The following AOPEP variants were observed in gnomAD, a reference collection of about 807,000 sequenced individuals.
The protein encoded by AOPEP is aminopeptidase O.
AOPEP carries 77 observed loss-of-function variants against 98.1 expected under a neutral mutation model. The observed-to-expected ratio is 0.78, with a 90% CI of 0.65 to 0.95. The LOEUF (loss-of-function observed/expected upper bound fraction) is 0.95. Ranked by LOEUF, AOPEP falls within the 40% of genes least tolerant of loss-of-function variation. The pLI is 0.00. For synonymous variants in AOPEP, 346 were observed against 365.3 expected, an observed-to-expected ratio of 0.95 and a Z score of 0.60; for missense variants, 1,024 against 1,024.7, an observed-to-expected ratio of 1.00 and a Z score of 0.01.
chr9:94,981,198 G>A (rs980398370), intron 11 of AOPEP, among the ~76,000 whole-genome samples: 39 of 152,230 alleles, frequency 2.6e-4, no homozygotes, highest in African/African-American at 9.2e-4. Flanking sequence ...TGCAGAGGAG[G>A]AGGCTTTAGC....
chr9:95,087,577 G>A (rs950178706), downstream of AOPEP, among the ~76,000 whole-genome samples: 3 of 134,692 alleles, frequency 2.2e-5, no homozygotes, highest in African/African-American at 8.1e-5. Flanking sequence ...TTTCTTTGTT[G>A]TTTTCAAGGT....
intron 5 of AOPEP, among the ~76,000 whole-genome samples, chr9:94,898,673 G>A (rs1024291756): frequency 1.7e-4 from 25 of 146,418 alleles, no homozygotes; most frequent in African/African-American, 2.8e-4. Flanking sequence ...GCCGGGTGCA[G>A]TGGCTCATGC....
chr9:95,026,061 G>A (rs753359002), intron 13 of AOPEP, among the ~76,000 whole-genome samples: 1 of 152,146 alleles, frequency 6.6e-6, no homozygotes, highest in African/African-American at 2.4e-5. Flanking sequence ...GCAAAATTCT[G>A]CATTCTCATA....
At chr9:94,785,543 T>C (rs1439004153) in intron 3 of AOPEP, among the ~76,000 whole-genome samples, 1 of 152,222 alleles carries the variant, frequency 6.6e-6, no homozygotes, top group Admixed American at 6.5e-5. Flanking sequence ...TTACAGAATC[T>C]GCCCAGAAAG....
intron 13 of AOPEP, among the ~76,000 whole-genome samples, chr9:95,013,270 T>G (rs2062708124): frequency 6.6e-6 from 1 of 152,134 alleles, no homozygotes; most frequent in Non-Finnish European, 1.5e-5. Flanking sequence ...CTATTTTTGT[T>G]TTAATGGTTA....
At chr9:94,997,716 CAG>C (rs1207283159) in intron 11 of AOPEP, among the ~76,000 whole-genome samples, 1 of 152,104 alleles carries the variant, frequency 6.6e-6, no homozygotes, top group Non-Finnish European at 1.5e-5. Flanking sequence ...TTTTTTGAGA[CAG>C]AGTCTTGCTC....
At chr9:94,848,451 CAAAAAAAAAAA>C (rs35685082) in intron 5 of AOPEP, among the ~76,000 whole-genome samples, 1 of 75,804 alleles carries the variant, frequency 1.3e-5, no homozygotes, top group African/African-American at 6.1e-5. Flanking sequence ...GACTCCGTCT[CAAAAAAAAAAA>C]AAAAAAAAAA....
chr9:95,104,110 C>T, the AOPEP span, among the ~76,000 whole-genome samples: 1 of 152,152 alleles, frequency 6.6e-6, no homozygotes, highest in Non-Finnish European at 1.5e-5. Context: ...CGGCTCTTTC[C>T]AAGGTGCTGT....
chr9:94,736,970 T>C (rs961259023), intron 1 of AOPEP, among the ~76,000 whole-genome samples: 1 of 152,196 alleles, frequency 6.6e-6, no homozygotes, highest in African/African-American at 2.4e-5. Flanking sequence ...ACTCAGGCAA[T>C]GACAGCCCTC....
At chr9:95,135,231 T>C in the AOPEP span, 1 of 1,016,878 alleles carries the variant, frequency 9.8e-7, no homozygotes, top group South Asian at 1.3e-5. Flanking sequence ...CGATTATATA[T>C]AAAGGTTCCA....
chr9:95,075,290 T>C (rs1337786110), intron 14 of AOPEP, among the ~76,000 whole-genome samples: 1 of 152,216 alleles, frequency 6.6e-6, no homozygotes, highest in Admixed American at 6.5e-5. Context: ...AAAATGTGAA[T>C]ATTTGAAGTG....
Position 94,972,426 on chromosome 9 carries a change from C to T in AOPEP, c.1916+4625C>T, listed in dbSNP as rs982441894. Among the ~76,000 whole-genome samples, 1 of 152,180 alleles carries T rather than the reference C, an allele frequency of 6.6e-6. No individual in the cohort carries two copies. Among genetic ancestry groups the T allele is most frequent in the Admixed American group, 6.5e-5 (1 of 15,284 alleles). On this transcript the variant is annotated intron_variant, in intron 10 of 16. Transcript: ENST00000375315. The surrounding 1 kb of genome is among the most constrained non-coding windows in gnomAD (Gnocchi z 4.2). ...CTCCTGGTGAAAGAGCCCCGTGGAA[C>T]GCCTTATGCCAGTGTCCTTGCTGCC...
Position 94,986,127 on chromosome 9 carries a change from C to G in AOPEP, c.1977+6700C>G, listed in dbSNP as rs139454350. 1.3e-3 allele frequency among the ~76,000 whole-genome samples: 203 copies of G among 152,226 alleles called. 1 individual carries two copies. Among genetic ancestry groups the G allele is most frequent in the Non-Finnish European group, 1.0e-3 (69 of 68,012 alleles). ...GTTCTGGAGGCTGGAGGTCCAAGAC[C>G]AAGGTGCCAACAGCGTTGGTTTCTG... is the stretch of plus-strand genomic sequence containing the variant. On this transcript the variant is annotated intron_variant, in intron 11 of 16. Coordinates refer to ENST00000375315, the MANE Select transcript of AOPEP (RefSeq NM_001193329.3).
chr9:94,825,787 G>C (rs1319350921), intron 5 of AOPEP, among the ~76,000 whole-genome samples: 1 of 152,150 alleles, frequency 6.6e-6, no homozygotes, highest in Non-Finnish European at 1.5e-5. Flanking sequence ...GGTTGTTTCA[G>C]CTTTTCCAAT....
chr9:95,113,487 T>TAACA, the AOPEP span, among the ~76,000 whole-genome samples: 1 of 152,058 alleles, frequency 6.6e-6, no homozygotes, highest in South Asian at 2.1e-4. Flanking sequence ...AGAGGGTACC[T>TAACA]AACACTACTG....
At chr9:94,952,117 T>C (rs1276326026) in intron 7 of AOPEP, among the ~76,000 whole-genome samples, 1 of 152,204 alleles carries the variant, frequency 6.6e-6, no homozygotes, top group Non-Finnish European at 1.5e-5. Flanking sequence ...ACACTGTCAT[T>C]TTAAAAAAAA....
the AOPEP span, chr9:95,110,838 A>G: frequency 1.7e-6 from 2 of 1,168,124 alleles, no homozygotes; most frequent in South Asian, 2.9e-5. Context: ...TGTAATTATT[A>G]TATTCCACAT....
chr9:95,009,764 C>G (rs1181256154), intron 13 of AOPEP, among the ~76,000 whole-genome samples: 2 of 152,132 alleles, frequency 1.3e-5, no homozygotes, highest in Non-Finnish European at 2.9e-5. Flanking sequence ...AAACAATACT[C>G]TTGAGCTACT....
At chr9:95,023,906 C>T (rs923598628) in intron 13 of AOPEP, among the ~76,000 whole-genome samples, 1 of 152,090 alleles carries the variant, frequency 6.6e-6, no homozygotes, top group African/African-American at 2.4e-5. Context: ...CTTATGTAGT[C>T]AAGGATCAAT....
Sources: gnomAD v4.1 joint callset for allele counts (sites outside exome capture counted in the v4.1 genomes callset) on GRCh38, gnomAD v4.1.1 for gene constraint, Gnocchi (gnomAD v3.1) non-coding constraint, MANE v1.5 for transcripts, NCBI Gene and HGNC (gene_info 2026-07-23, HGNC 2026-07-21) for gene names.